EXOC6B: variants seen among roughly 807,000 people sequenced by gnomAD.
The protein encoded by EXOC6B is exocyst complex component 6B, also known as SEC15 homolog B.
In EXOC6B, 54 loss-of-function variants were observed where a neutral mutation model predicts 113.5. That is an observed-to-expected ratio of 0.48 (90% CI 0.38 to 0.60). The LOEUF (loss-of-function observed/expected upper bound fraction) is 0.60. Ranked by LOEUF, EXOC6B falls within the 20% of genes least tolerant of loss-of-function variation. The pLI is 0.00. For missense variants in EXOC6B, 797 were observed against 977.5 expected (o/e 0.82, Z 2.46); for synonymous variants, 357 against 339.0 (o/e 1.05, Z -0.58).
Position 72,333,439 on chromosome 2 carries a change from A to G in EXOC6B, c.2196+1508T>C, listed in dbSNP as rs554328074. 5.6e-3 allele frequency among the ~76,000 whole-genome samples: 860 copies of G among 152,224 alleles called. 2 individuals carry two copies. The highest frequency in any genetic ancestry group is 9.7e-3 in the Non-Finnish European group (659 of 67,998). Reference sequence around the variant, plus strand: ...GGTTGTGTTTCTCCAGTGAAATTCAATTTCTACTTTCCAAGAAAAGCCAAT... The same window carrying G: ...GGTTGTGTTTCTCCAGTGAAATTCAGTTTCTACTTTCCAAGAAAAGCCAAT... On this transcript the variant is annotated intron_variant, in intron 20 of 21. Coordinates refer to ENST00000272427, the MANE Select transcript of EXOC6B (RefSeq NM_015189.3).
intron 8 of EXOC6B, among the ~76,000 whole-genome samples, chr2:72,524,645 TGCTTGAAAGGATGG>T (rs1701669804): frequency 6.6e-6 from 1 of 152,188 alleles, no homozygotes; most frequent in African/African-American, 2.4e-5. Flanking sequence ...AATGAATAAA[TGCTTGAAAGGATGG>T]ATACCCCATT....
At chr2:72,384,927 C>T (rs1313517133) in intron 18 of EXOC6B, among the ~76,000 whole-genome samples, 1 of 151,994 alleles carries the variant, frequency 6.6e-6, no homozygotes, top group Non-Finnish European at 1.5e-5. Context: ...GTTAAAATGT[C>T]CATTCTACCC....
intron 6 of EXOC6B, among the ~76,000 whole-genome samples, chr2:72,677,675 T>A (rs1676412441): frequency 6.6e-6 from 1 of 152,220 alleles, no homozygotes; most frequent in African/African-American, 2.4e-5. Context: ...TATTCACAAA[T>A]ATCATCAAAG....
intron 19 of EXOC6B, among the ~76,000 whole-genome samples, chr2:72,366,512 T>C (rs776575129): frequency 2.0e-5 from 3 of 152,052 alleles, no homozygotes; most frequent in Middle Eastern, 3.4e-3. Flanking sequence ...AAAGGAGAGA[T>C]AGAAAAGATA....
At chr2:72,479,004 C>T (rs1293406169) in intron 17 of EXOC6B, among the ~76,000 whole-genome samples, 1 of 152,104 alleles carries the variant, frequency 6.6e-6, no homozygotes, top group East Asian at 1.9e-4. Flanking sequence ...TATAAAACTG[C>T]CTGAGGTCAT....
rs1295769120 is a variant in EXOC6B at position 72,560,581 on chromosome 2, T to C, written c.847-1060A>G. Reference sequence around the variant, plus strand: ...CCAAGATACTTTTCTTAATGAAATCTACTAATTCTAAAATTCAACAGCACA... The same window carrying C: ...CCAAGATACTTTTCTTAATGAAATCCACTAATTCTAAAATTCAACAGCACA... On this transcript the variant is annotated intron_variant, in intron 7 of 21. Coordinates refer to ENST00000272427, the MANE Select transcript of EXOC6B (RefSeq NM_015189.3). 3.3e-5 allele frequency among the ~76,000 whole-genome samples: 5 copies of C among 152,246 alleles called. No individual in the cohort carries two copies. In the East Asian group the frequency reaches 9.6e-4, roughly 29 times the overall value.
At chr2:72,382,170 C>G (rs1439396179) in intron 18 of EXOC6B, among the ~76,000 whole-genome samples, 1 of 152,156 alleles carries the variant, frequency 6.6e-6, no homozygotes, top group Non-Finnish European at 1.5e-5. Context: ...TTTAATTAAA[C>G]CCACCAGAGA....
intron 5 of EXOC6B, among the ~76,000 whole-genome samples, chr2:72,724,983 T>C (rs1467180442): frequency 6.6e-6 from 1 of 152,068 alleles, no homozygotes; most frequent in African/African-American, 2.4e-5. Context: ...AAAATGGTGA[T>C]GGGAAAAGGA....
At chr2:72,641,357 C>A (rs1488398875) in intron 6 of EXOC6B, among the ~76,000 whole-genome samples, 1 of 152,246 alleles carries the variant, frequency 6.6e-6, no homozygotes, top group African/African-American at 2.4e-5. Context: ...CCACTCCCAC[C>A]CAAATACTGT....
At chr2:72,373,846 C>T (rs746743402) in intron 19 of EXOC6B, among the ~76,000 whole-genome samples, 16 of 152,016 alleles carry the variant, frequency 1.1e-4, no homozygotes, top group African/African-American at 1.9e-4. Context: ...ACTATGGAGA[C>T]GGTGTGGTGG....
intron 6 of EXOC6B, among the ~76,000 whole-genome samples, chr2:72,599,968 C>T (rs1303250828): frequency 6.6e-6 from 1 of 151,738 alleles, no homozygotes; most frequent in Non-Finnish European, 1.5e-5. Flanking sequence ...TCAATTTCTC[C>T]CAAATGATCT....
In EXOC6B at chr2:72,508,534, G is replaced by A. The variant is rs553124251; in HGVS notation, c.1167+4598C>T. Among the ~76,000 whole-genome samples, 12 of 152,312 alleles carry A rather than the reference G, an allele frequency of 7.9e-5. No homozygotes were observed. In the East Asian group the frequency reaches 2.1e-3, roughly 27 times the overall value. The stretch of plus-strand genomic sequence containing the variant: ...TGCCTGTAATCCCAGCCCTTTGGGA[G>A]GCCGAGGTAGGCGAATCACCTGAGG... On this transcript the variant is annotated intron_variant, in intron 11 of 21. Transcript: ENST00000272427.
chr2:72,519,564 G>A (rs1701384401), intron 8 of EXOC6B, among the ~76,000 whole-genome samples: 2 of 152,200 alleles, frequency 1.3e-5, no homozygotes, highest in Non-Finnish European at 1.5e-5. Context: ...ATAAATCAAG[G>A]TTATGCATTC....
At chr2:72,630,709 C>T (rs1337294131) in intron 6 of EXOC6B, among the ~76,000 whole-genome samples, 1 of 151,714 alleles carries the variant, frequency 6.6e-6, no homozygotes, top group Non-Finnish European at 1.5e-5. Context: ...ATAATTCTGC[C>T]AAAAGTTAGG....
intron 6 of EXOC6B, among the ~76,000 whole-genome samples, chr2:72,592,274 T>C (rs1396384785): frequency 2.6e-5 from 4 of 152,176 alleles, no homozygotes; most frequent in Admixed American, 1.3e-4. Context: ...TTTGCCAATA[T>C]TGGAGGGGTG....
At chr2:72,267,728 T>C (rs1268826895) in intron 20 of EXOC6B, among the ~76,000 whole-genome samples, 1 of 152,074 alleles carries the variant, frequency 6.6e-6, no homozygotes, top group Non-Finnish European at 1.5e-5. Context: ...TTTTAAAGAG[T>C]CTAGCAGCAT....
intron 21 of EXOC6B, among the ~76,000 whole-genome samples, chr2:72,181,208 C>CA (rs397936010): frequency 9.2e-4 from 112 of 121,734 alleles, no homozygotes; most frequent in East Asian, 1.5e-3. Flanking sequence ...GACTCCGTCT[C>CA]AAAAAAAAAA....
intron 6 of EXOC6B, among the ~76,000 whole-genome samples, chr2:72,597,814 T>C (rs1374807328): frequency 1.3e-5 from 2 of 151,756 alleles, no homozygotes; most frequent in Non-Finnish European, 2.9e-5. Context: ...CAAAGCACAT[T>C]TCAGAACAAA....
chr2:72,645,281 T>C (rs995028591), intron 6 of EXOC6B, among the ~76,000 whole-genome samples: 5 of 152,102 alleles, frequency 3.3e-5, no homozygotes, highest in Non-Finnish European at 4.4e-5. Context: ...AGCACCCAGA[T>C]TCATAAAGCA....
Sources: allele counts gnomAD v4.1 joint callset (sites outside exome capture counted in the v4.1 genomes callset), GRCh38; gene constraint gnomAD v4.1.1; transcripts MANE v1.5; gene names NCBI Gene and HGNC (gene_info 2026-07-23, HGNC 2026-07-21).